The following FAN1 variants were observed in gnomAD, a reference collection of about 807,000 sequenced individuals.
FAN1 encodes the protein FANCD2 and FANCI associated nuclease 1, also known as fanconi-associated nuclease 1.
Under a neutral mutation model 104.9 loss-of-function variants are expected in FAN1, and 91 were observed. The observed-to-expected ratio is 0.87, with a 90% CI of 0.73 to 1.03. The LOEUF (loss-of-function observed/expected upper bound fraction) is 1.03, where lower values mean the gene tolerates loss of function less well. Among genes scored for constraint, FAN1 ranks in the 50% least tolerant of loss-of-function variants. The pLI is 0.00. For missense variants in FAN1, 1,263 were observed against 1,239.9 expected (o/e 1.02, Z -0.28); for synonymous variants, 478 against 457.6 (o/e 1.04, Z -0.57).
Position 30,941,939 on chromosome 15 carries a change from C to T in FAN1, c.*377C>T. On this transcript the variant is annotated 3_prime_UTR_variant, in exon 15 of 15. Transcript: ENST00000362065. ...ATACTGCTCCGTATCACTGTTCTGG[C>T]TGTCGGTTTGCTGAGCTGGATCTGG... The T allele has an allele frequency of 1.2e-6, 2 of 1,614,018 alleles. No homozygotes were observed. The highest frequency in any genetic ancestry group is 1.7e-6 in the Non-Finnish European group (2 of 1,179,894).
intron 8 of FAN1, 59 bp downstream of exon 8, chr15:30,922,413 T>C: frequency 2.0e-6 from 3 of 1,518,388 alleles, no homozygotes; most frequent in South Asian, 2.4e-5. Flanking sequence ...ACTTTTAAAA[T>C]ATGGCAAACT....
At position 30,908,179 on chromosome 15, in the gene FAN1, C is replaced by T. The variant is rs1051950452; in HGVS notation, c.1296C>T (p.Thr432=). ...FQRKLSWIKM[T]KLEYEEIALD... is the part of the protein sequence containing the mutation. ...GTAAATTAAGCTGGATTAAGATGAC[C>T]AAATTAGAGTATGAAGAGATTGCCT... Residue 432 remains threonine, a synonymous_variant, in exon 3 of 15, where the codon ACC becomes ACT. Coordinates refer to ENST00000362065, the MANE Select transcript of FAN1 (RefSeq NM_014967.5). 1 of 1,610,358 alleles carries T rather than the reference C, an allele frequency of 6.2e-7. No homozygotes were observed. Among genetic ancestry groups the T allele is most frequent in the African/African-American group, 1.3e-5 (1 of 74,870 alleles).
intron 10 of FAN1, among the ~76,000 whole-genome samples, 186 bp downstream of exon 10, chr15:30,926,125 T>A (rs1389723282): frequency 6.6e-6 from 1 of 152,214 alleles, no homozygotes; most frequent in Non-Finnish European, 1.5e-5. Flanking sequence ...CAGGGGTAGT[T>A]GTCCCACAGG....
rs1368150251 is a variant in FAN1 at position 30,941,546 on chromosome 15, A to G, written c.*4-20A>G. ...TAAAAATTTGCTTAATGGTGTTCCT[A>G]AAATGCTTCGTCTGCACAGATTCCC... On this transcript the variant is annotated intron_variant, in intron 14 of 14. Coordinates refer to ENST00000362065, the MANE Select transcript of FAN1 (RefSeq NM_014967.5). 1 of 1,606,872 alleles carries G rather than the reference A, an allele frequency of 6.2e-7. No homozygotes were observed. Among genetic ancestry groups the G allele is most frequent in the East Asian group, 2.2e-5 (1 of 44,748 alleles).
chr15:30,934,886 G>T (rs8029490), intron 13 of FAN1, among the ~76,000 whole-genome samples: 2 of 151,980 alleles, frequency 1.3e-5, no homozygotes, highest in East Asian at 3.8e-4. Context: ...TTACTTCTAC[G>T]TGTTATATGT....
At chr15:30,918,319 C>T in intron 6 of FAN1, 24 bp downstream of exon 6, 1 of 1,612,414 alleles carries the variant, frequency 6.2e-7, no homozygotes, top group African/African-American at 1.3e-5. Context: ...TAGGTACCTG[C>T]CAAAATTTAT....
chr15:30,925,760 T>G lies in FAN1; in HGVS notation c.2338-29T>G, dbSNP rs1302845068. On this transcript the variant is annotated intron_variant, in intron 9 of 14. Coordinates refer to ENST00000362065, the MANE Select transcript of FAN1 (RefSeq NM_014967.5). ...TCAGGGACTTTTGCTGACCTGAGGC[T>G]AATAGATGTTATTCTGCTGCTGTTT... 3.7e-6 allele frequency: 6 copies of G among 1,613,108 alleles called. No homozygotes were observed. In the East Asian group the frequency reaches 1.1e-4, roughly 30 times the overall value.
Position 30,904,550 on chromosome 15 carries a change from T to C in FAN1, c.-114T>C. 2.0e-6 allele frequency: 2 copies of C among 1,006,854 alleles called. No homozygotes were observed. Among genetic ancestry groups the C allele is most frequent in the Non-Finnish European group, 1.6e-6 (1 of 638,694 alleles). 62.4% of individuals were successfully genotyped at this position (1,006,854 alleles called of 1,614,324 possible). A position where few individuals can be genotyped will look rare whatever the true frequency, so the allele number is the denominator to read the frequency against. ...TCGAGACGAATAACATGAGGTCATA[T>C]AGAATCCCACTTTTGGTGATTTCAA... is the stretch of plus-strand genomic sequence containing the variant. On this transcript the variant is annotated 5_prime_UTR_variant, in exon 2 of 15. Coordinates refer to ENST00000362065, the MANE Select transcript of FAN1 (RefSeq NM_014967.5).
At chr15:30,939,399 C>T in intron 14 of FAN1, 1 of 985,432 alleles carries the variant, frequency 1.0e-6, no homozygotes, top group Non-Finnish European at 1.2e-6. Context: ...ACTGCTGTCA[C>T]CACATGTCCC....
At chr15:30,914,412 T>C (rs1202838028) in intron 5 of FAN1, among the ~76,000 whole-genome samples, 7 of 152,228 alleles carry the variant, frequency 4.6e-5, no homozygotes, top group African/African-American at 1.4e-4. Context: ...TCGCCCAGGC[T>C]GGAGTGCGGT....
At chr15:30,920,683 T>TCACATCAG in intron 7 of FAN1, 30 bp downstream of exon 7, 4 of 1,303,998 alleles carry the variant, frequency 3.1e-6, no homozygotes, top group Non-Finnish European at 4.4e-6. Flanking sequence ...CCCCCCACCA[T>TCACATCAG]TACTGATGTG....
chr15:30,929,565 CTTTATTATATT>C (rs928269795), intron 12 of FAN1, among the ~76,000 whole-genome samples, 168 bp downstream of exon 12: 4 of 115,214 alleles, frequency 3.5e-5, no homozygotes, highest in African/African-American at 9.5e-5. Flanking sequence ...TATATTATAT[CTTTATTATATT>C]TATTATATTA....
chr15:30,918,922 A>G (rs566194175), intron 6 of FAN1, among the ~76,000 whole-genome samples: 1 of 152,292 alleles, frequency 6.6e-6, no homozygotes, highest in East Asian at 1.9e-4. Context: ...ACAGTCAAGA[A>G]TCTGTGTGTA....
At chr15:30,939,040 C>CTCAAG in intron 14 of FAN1, 1 of 985,406 alleles carries the variant, frequency 1.0e-6, no homozygotes, top group African/African-American at 1.7e-5. Flanking sequence ...CCCACTTGAA[C>CTCAAG]TCAAGTCATC....
rs764972117 is a variant in FAN1 at position 30,941,638 on chromosome 15, G to A, written c.*76G>A. 6.8e-6 allele frequency: 11 copies of A among 1,608,564 alleles called. No individual in the cohort carries two copies. The highest frequency in any genetic ancestry group is 2.2e-5 in the South Asian group (2 of 90,332). ...TCCCCGAGGTGTCGGTGTGGTGAGG[G>A]CCGCTGGCGTTGAAGTACATCCTGC... On this transcript the variant is annotated 3_prime_UTR_variant, in exon 15 of 15. Coordinates refer to ENST00000362065, the MANE Select transcript of FAN1 (RefSeq NM_014967.5).
chr15:30,940,045 AT>A (rs1398707864), intron 14 of FAN1: 1 of 979,312 alleles, frequency 1.0e-6, no homozygotes, highest in Non-Finnish European at 1.2e-6. Flanking sequence ...AAATACAGTT[AT>A]CTTGAAAACA....
chr15:30,940,142 A>T, intron 14 of FAN1: 1 of 985,466 alleles, frequency 1.0e-6, no homozygotes, highest in Non-Finnish European at 1.2e-6. Context: ...AGAAACAGTC[A>T]AATTTGAAAG....
intron 12 of FAN1, among the ~76,000 whole-genome samples, chr15:30,929,702 T>A (rs12903832): frequency 0.063 from 2,822 of 44,730 alleles, 314 homozygotes; most frequent in African/African-American, 0.094. Flanking sequence ...AAAATATATA[T>A]TATATCATAT....
At chr15:30,937,571 G>C (rs1301797409) in intron 14 of FAN1, among the ~76,000 whole-genome samples, 1 of 150,874 alleles carries the variant, frequency 6.6e-6, no homozygotes, top group African/African-American at 2.4e-5. Flanking sequence ...CCTGCCTCAG[G>C]GTCCCCAGTA....
Sources: gnomAD v4.1 joint callset for allele counts (sites outside exome capture counted in the v4.1 genomes callset) on GRCh38, gnomAD v4.1.1 for gene constraint, MANE v1.5 for transcripts, NCBI Gene and HGNC (gene_info 2026-07-23, HGNC 2026-07-21) for gene names.